The following NRXN1 variants were observed in gnomAD, a reference collection of about 807,000 sequenced individuals.
NRXN1 encodes the protein neurexin 1.
Under a neutral mutation model 150.9 loss-of-function variants are expected in NRXN1, and 39 were observed. The ratio of observed to expected loss-of-function variants is 0.26; its 90% CI spans 0.20 to 0.34. NRXN1 has a LOEUF of 0.34. Ranked by LOEUF, NRXN1 falls within the 10% of genes least tolerant of loss-of-function variation. NRXN1 has a pLI of 1.00. For synonymous variants in NRXN1, 924 were observed against 757.0 expected (o/e 1.22, Z -3.62); for missense variants, 1,815 against 1,949.9 (o/e 0.93, Z 1.30).
chr2:50,781,011 G>A (rs985484742), intron 5 of NRXN1, among the ~76,000 whole-genome samples: 10 of 152,160 alleles, frequency 6.6e-5, no homozygotes, highest in Non-Finnish European at 1.5e-4. Flanking sequence ...ACCTGCTGCA[G>A]TTTTATGAAT....
At chr2:50,545,712 T>C (rs953060035) in intron 9 of NRXN1, among the ~76,000 whole-genome samples, 1 of 152,182 alleles carries the variant, frequency 6.6e-6, no homozygotes. Flanking sequence ...TATTCATTTA[T>C]GATGAGAAAT....
chr2:50,447,737 T>TAATATATATATA (rs2086562012), intron 17 of NRXN1, among the ~76,000 whole-genome samples: 3 of 37,934 alleles, frequency 7.9e-5, no homozygotes, highest in Non-Finnish European at 1.3e-4. Context: ...CAGGGGAACG[T>TAATATATATATA]TATATATATA....
chr2:50,540,221 G>C (rs1354525455), intron 9 of NRXN1, among the ~76,000 whole-genome samples: 1 of 152,192 alleles, frequency 6.6e-6, no homozygotes, highest in Non-Finnish European at 1.5e-5. Flanking sequence ...AATGAGGGGA[G>C]CAAAATAGAG....
At chr2:50,387,774 T>C (rs2081422421) in intron 17 of NRXN1, among the ~76,000 whole-genome samples, 1 of 152,188 alleles carries the variant, frequency 6.6e-6, no homozygotes. Flanking sequence ...ATTTTCAAGA[T>C]ATTTTTAAAC....
At chr2:50,601,985 C>A (rs932718016) in intron 8 of NRXN1, among the ~76,000 whole-genome samples, 2 of 152,166 alleles carry the variant, frequency 1.3e-5, no homozygotes, top group Admixed American at 6.5e-5. Context: ...AGAGTCTGGA[C>A]CAAGAATCAT....
At chr2:50,053,864 T>C (rs1693183602) in intron 20 of NRXN1, among the ~76,000 whole-genome samples, 1 of 152,200 alleles carries the variant, frequency 6.6e-6, no homozygotes, top group Non-Finnish European at 1.5e-5. Flanking sequence ...AGTGGATCCC[T>C]TTTCCCTTTT....
chr2:50,804,646 CA>C (rs1667273602), intron 5 of NRXN1, among the ~76,000 whole-genome samples: 1 of 152,138 alleles, frequency 6.6e-6, no homozygotes, highest in East Asian at 1.9e-4. Context: ...AGTAAAAGGA[CA>C]AGACCATTTT....
chr2:50,504,593 A>C (rs1224050251), intron 13 of NRXN1, among the ~76,000 whole-genome samples: 4 of 151,810 alleles, frequency 2.6e-5, no homozygotes, highest in East Asian at 1.9e-4. Context: ...AATGTTTTTC[A>C]CCATTCTTTT....
At chr2:50,249,837 C>G (rs2066875996) in intron 17 of NRXN1, among the ~76,000 whole-genome samples, 1 of 151,916 alleles carries the variant, frequency 6.6e-6, no homozygotes, top group Non-Finnish European at 1.5e-5. Flanking sequence ...GGGGTTTCAC[C>G]ATGTTGGCCA....
intron 21 of NRXN1, among the ~76,000 whole-genome samples, chr2:49,995,290 T>A (rs2152525319): frequency 6.6e-6 from 1 of 152,314 alleles, no homozygotes; most frequent in South Asian, 2.1e-4. Context: ...AAAAACCTTC[T>A]TTTACTTTTT....
At chr2:50,675,525 T>G (rs1335421874) in intron 5 of NRXN1, among the ~76,000 whole-genome samples, 1 of 152,154 alleles carries the variant, frequency 6.6e-6, no homozygotes, top group Admixed American at 6.6e-5. Flanking sequence ...AAGAAGCATT[T>G]GCATTTGGCC....
intron 5 of NRXN1, among the ~76,000 whole-genome samples, chr2:50,718,522 CCAGAAA>C (rs1162570672): frequency 1.3e-5 from 2 of 152,038 alleles, no homozygotes; most frequent in African/African-American, 4.8e-5. Context: ...CATAAAGAAA[CCAGAAA>C]CAGAAAGTTT....
At chr2:50,654,737 T>C (rs1239908381) in intron 5 of NRXN1, among the ~76,000 whole-genome samples, 2 of 152,090 alleles carry the variant, frequency 1.3e-5, no homozygotes, top group African/African-American at 2.4e-5. Flanking sequence ...TGGTGTGAGA[T>C]GGTATCTCAT....
At chr2:50,686,762 A>C (rs946500468) in intron 5 of NRXN1, among the ~76,000 whole-genome samples, 1 of 152,200 alleles carries the variant, frequency 6.6e-6, no homozygotes, top group African/African-American at 2.4e-5. Flanking sequence ...TTGCCAAGTC[A>C]ATGAAGCAAA....
intron 21 of NRXN1, among the ~76,000 whole-genome samples, chr2:49,951,554 C>T (rs748629340): frequency 2.0e-4 from 31 of 151,970 alleles, no homozygotes; most frequent in Non-Finnish European, 4.1e-4. Flanking sequence ...AGTAGAGGTA[C>T]TGAATGAGTG....
intron 17 of NRXN1, among the ~76,000 whole-genome samples, chr2:50,336,349 G>A (rs2077188885): frequency 6.6e-6 from 1 of 152,170 alleles, no homozygotes; most frequent in South Asian, 2.1e-4. Flanking sequence ...ATGAGTAGTA[G>A]AGATGCTTAA....
intron 5 of NRXN1, among the ~76,000 whole-genome samples, chr2:50,816,435 T>C (rs1206499655): frequency 3.3e-5 from 5 of 151,978 alleles, no homozygotes; most frequent in Non-Finnish European, 7.4e-5. Flanking sequence ...AGAAAACAAA[T>C]AGCTAACAGC....
chr2:50,599,091 A>C (rs2103918254), intron 8 of NRXN1, among the ~76,000 whole-genome samples: 1 of 152,132 alleles, frequency 6.6e-6, no homozygotes, highest in African/African-American at 2.4e-5. Context: ...ATTTCTTTTA[A>C]AGATACATCA....
intron 15 of NRXN1, among the ~76,000 whole-genome samples, chr2:50,494,310 C>T (rs1445065759): frequency 6.6e-6 from 1 of 152,134 alleles, no homozygotes; most frequent in African/African-American, 2.4e-5. Flanking sequence ...GACGTCTCAC[C>T]TACACAAACA....
Sources: gnomAD v4.1 joint callset for allele counts (sites outside exome capture counted in the v4.1 genomes callset) on GRCh38, gnomAD v4.1.1 for gene constraint, MANE v1.5 for transcripts, NCBI Gene and HGNC (gene_info 2026-07-23, HGNC 2026-07-21) for gene names.